ZBED1: variants seen among roughly 807,000 people sequenced by gnomAD.
ZBED1 encodes the protein zinc finger BED-type containing 1, also known as E3 SUMO-protein ligase ZBED1.
Under a neutral mutation model 49.7 loss-of-function variants are expected in ZBED1, and 19 were observed. The observed-to-expected ratio is 0.38, with a 90% CI of 0.27 to 0.56. The LOEUF (loss-of-function observed/expected upper bound fraction) is 0.56. Ranked by LOEUF, ZBED1 falls within the 20% of genes least tolerant of loss-of-function variation. The pLI, the probability that ZBED1 is intolerant of heterozygous loss-of-function variation, is 0.70. For missense variants in ZBED1, 806 were observed against 972.6 expected, an observed-to-expected ratio of 0.83 and a Z score of 2.28; for synonymous variants, 439 against 440.3, an observed-to-expected ratio of 1.00 and a Z score of 0.04.
At chrX:2,490,799 A>T (rs1421809269) in intron 1 of ZBED1, 27 bp from the exon 2 acceptor site, 1 of 1,542,612 alleles carries the variant, frequency 6.5e-7, no homozygotes, top group African/African-American at 1.4e-5. Context: ...CAAACACAGC[A>T]TGAGAAGGGA....
chrX:2,500,012 T>G (rs185308637), intron 1 of ZBED1, among the ~76,000 whole-genome samples: 291 of 152,286 alleles, frequency 1.9e-3, no homozygotes, highest in African/African-American at 6.7e-3. Context: ...ACTTCATCTC[T>G]ACTTCCTATT....
In ZBED1 at chrX:2,489,469, G is replaced by T. The variant is rs914619202; in HGVS notation, c.1251C>A (p.Pro417=). The change falls in exon 2 of 2, where the codon CCC becomes CCA. Residue 417 remains proline, a synonymous_variant. Coordinates refer to ENST00000652001, the MANE Select transcript of ZBED1 (RefSeq NM_001171136.2). ...GCAGCGGCTTCACCATGCTGATGGT[G>T]GGGTACCTGGAGGCCGACAGCATCT... is the stretch of plus-strand genomic sequence containing the variant. ...VAEMLSASRY[P]TISMVKPLLH... 6.2e-7 allele frequency: 1 copy of T among 1,613,742 alleles called. No individual in the cohort carries two copies. Among genetic ancestry groups the T allele is most frequent in the Non-Finnish European group, 8.5e-7 (1 of 1,179,878 alleles).
rs145893938 is a variant in ZBED1, at chrX:2,494,620, G to C, written c.-53-3848C>G. 8.5e-3 allele frequency among the ~76,000 whole-genome samples: 1,297 copies of C among 151,852 alleles called. 39 individuals carry two copies. Among genetic ancestry groups the C allele is most frequent in the East Asian group, 0.084 (434 of 5,160 alleles). ...TCTGGCACTTCAGTCAAAGGTTTATGTTCTATTATTATCATTATTATTATT... is the reference window on the plus strand; with the variant it reads ...TCTGGCACTTCAGTCAAAGGTTTATCTTCTATTATTATCATTATTATTATT... On this transcript the variant is annotated intron_variant, in intron 1 of 1. Coordinates refer to ENST00000652001, the MANE Select transcript of ZBED1 (RefSeq NM_001171136.2).
chrX:2,494,247 G>A (rs962614330), intron 1 of ZBED1, among the ~76,000 whole-genome samples: 1 of 151,772 alleles, frequency 6.6e-6, no homozygotes, highest in African/African-American at 2.4e-5. Context: ...CCTGGTACCT[G>A]TAGCAAAGGC....
Position 2,490,659 on chromosome X carries a change from C to T in ZBED1, c.61G>A (p.Ala21Thr), listed in dbSNP as rs747063221. 1 of 1,613,954 alleles carries T rather than the reference C, an allele frequency of 6.2e-7. No homozygotes were observed. Among genetic ancestry groups the T allele is most frequent in the Non-Finnish European group, 8.5e-7 (1 of 1,179,862 alleles). The change falls in exon 2 of 2, where the codon GCC (alanine) becomes ACC (threonine). Residue 21 changes from alanine to threonine, a missense_variant. Transcript: ENST00000652001. ...AAATACTTCCACACCTTGCTCTTGG[C>T]GCGGGGGTGGGCCACCAGCTTCAGG... is the stretch of plus-strand genomic sequence containing the variant. ...TDLKLVAHPR[A>T]KSKVWKYFGF...
At chrX:2,494,929 T>C (rs748040565) in intron 1 of ZBED1, among the ~76,000 whole-genome samples, 4 of 151,956 alleles carry the variant, frequency 2.6e-5, no homozygotes, top group Admixed American at 2.6e-4. Context: ...CTGAAAGAGC[T>C]CCCAGGACCT....
chrX:2,490,755 C>T lies in ZBED1; in HGVS notation c.-36G>A. 6.3e-7 allele frequency: 1 copy of T among 1,592,388 alleles called. No individual in the cohort carries two copies. Among genetic ancestry groups the T allele is most frequent in the Non-Finnish European group, 8.6e-7 (1 of 1,168,552 alleles). On this transcript the variant is annotated 5_prime_UTR_variant, in exon 2 of 2. Transcript: ENST00000652001. ...CCGGAGCCTGCCTGCTGGACGGCTGCTCATGCGTGGGGACCTGCTGAGAAG... is the reference window on the plus strand; with the variant it reads ...CCGGAGCCTGCCTGCTGGACGGCTGTTCATGCGTGGGGACCTGCTGAGAAG...
At chrX:2,496,826 A>G (rs1049854450) in intron 1 of ZBED1, among the ~76,000 whole-genome samples, 10 of 149,680 alleles carry the variant, frequency 6.7e-5, no homozygotes, top group Non-Finnish European at 1.2e-4. Context: ...TAAATTATAT[A>G]AATATAACTT....
In ZBED1 at chrX:2,490,366, G is replaced by T. The variant is rs138462497; in HGVS notation, c.354C>A (p.Tyr118Ter). ...TCAGCTCCTGCTGCTTCTTGCTGTCGTAGCCGTGGCCGGCCTTGACGGCCA... is the reference window on the plus strand; with the variant it reads ...TCAGCTCCTGCTGCTTCTTGCTGTCTTAGCCGTGGCCGGCCTTGACGGCCA... ...DALAVKAGHG[Y>*]DSKKQQELTA... is the part of the protein sequence containing the mutation. The change falls in exon 2 of 2, where the codon TAC becomes TAA. Residue 118 changes from tyrosine (Y) to a stop codon, truncating the protein, a stop_gained. Coordinates refer to ENST00000652001, the MANE Select transcript of ZBED1 (RefSeq NM_001171136.2). LOFTEE classifies it high-confidence loss of function. 6.2e-7 allele frequency: 1 copy of T among 1,613,532 alleles called. No homozygotes were observed.
rs200054781 is a variant in ZBED1, at chrX:2,490,639, C to T, written c.81G>A (p.Lys27=). The change falls in exon 2 of 2, where the codon AAG becomes AAA. Residue 27 remains lysine (K), a synonymous_variant. Transcript: ENST00000652001. ...AHPRAKSKVW[K]YFGFDTNAEG... Reference sequence around the variant, plus strand: ...CGGCGTTGGTGTCGAAGCCGAAATACTTCCACACCTTGCTCTTGGCGCGGG... The same window carrying T: ...CGGCGTTGGTGTCGAAGCCGAAATATTTCCACACCTTGCTCTTGGCGCGGG... The T allele has an allele frequency of 3.1e-6, 5 of 1,613,978 alleles. No homozygotes were observed. Among genetic ancestry groups the T allele is most frequent in the Admixed American group, 1.7e-5 (1 of 60,014 alleles).
In ZBED1 at chrX:2,490,792, A is replaced by C; in HGVS notation, c.-53-20T>G. The C allele has an allele frequency of 6.4e-7, 1 of 1,552,976 alleles. No homozygotes were observed. The highest frequency in any genetic ancestry group is 1.2e-5 in the South Asian group (1 of 80,534). On this transcript the variant is annotated intron_variant, in intron 1 of 1. Coordinates refer to ENST00000652001, the MANE Select transcript of ZBED1 (RefSeq NM_001171136.2). ...GACCTGCTGAGAAGGGCCAAGACAA[A>C]CACAGCATGAGAAGGGACCCAGGCA... is the stretch of plus-strand genomic sequence containing the variant.
At position 2,496,201 on chromosome X, in the gene ZBED1, T is replaced by G. The variant is rs189195020; in HGVS notation, c.-54+4616A>C. On this transcript the variant is annotated intron_variant, in intron 1 of 1. Coordinates refer to ENST00000652001, the MANE Select transcript of ZBED1 (RefSeq NM_001171136.2). ...TTTTATTTTTGTTTTTGTTTTTTTGTTTTTTTGGTTTTTTTGAGACGGAGT... is the reference window on the plus strand; with the variant it reads ...TTTTATTTTTGTTTTTGTTTTTTTGGTTTTTTGGTTTTTTTGAGACGGAGT... Among the ~76,000 whole-genome samples, 959 of 152,144 alleles carry G rather than the reference T, an allele frequency of 6.3e-3. 10 individuals carry two copies. The highest frequency in any genetic ancestry group is 0.01 in the Non-Finnish European group (690 of 68,004).
intron 1 of ZBED1, among the ~76,000 whole-genome samples, chrX:2,497,186 G>C (rs2045306796): frequency 6.6e-6 from 1 of 152,142 alleles, no homozygotes. Context: ...CCTGAGGTCA[G>C]GAGTTTGAGA....
At chrX:2,495,500 C>T (rs1310200750) in intron 1 of ZBED1, among the ~76,000 whole-genome samples, 2 of 152,122 alleles carry the variant, frequency 1.3e-5, no homozygotes, top group Non-Finnish European at 2.9e-5. Context: ...CCAAGTGACT[C>T]CTGGAAGGAG....
Position 2,489,939 on chromosome X carries a change from T to C in ZBED1, c.781A>G (p.Ser261Gly), listed in dbSNP as rs1191740852. The C allele has an allele frequency of 6.2e-7, 1 of 1,613,904 alleles. No homozygotes were observed. Among genetic ancestry groups the C allele is most frequent in the South Asian group, 1.1e-5 (1 of 91,074 alleles). ...LYEVFIEWGISAKVFGATTNY... is the reference protein window; with the variant it reads ...LYEVFIEWGIGAKVFGATTNY... ...GTGGTGGCCCCGAAGACCTTGGCGCTGATGCCCCACTCGATGAAGACCTCA... is the reference window on the plus strand; with the variant it reads ...GTGGTGGCCCCGAAGACCTTGGCGCCGATGCCCCACTCGATGAAGACCTCA... The change falls in exon 2 of 2, where the codon AGC (serine) becomes GGC (glycine). Residue 261 changes from serine (S) to glycine (G), a missense_variant. This residue lies in a region of ZBED1 where 749 missense variants were observed against 861.3 expected (regional missense o/e 0.87). Transcript: ENST00000652001.
At chrX:2,494,630 TATC>T (rs1018343125) in intron 1 of ZBED1, among the ~76,000 whole-genome samples, 1 of 151,932 alleles carries the variant, frequency 6.6e-6, no homozygotes, top group African/African-American at 2.4e-5. Context: ...GTTCTATTAT[TATC>T]ATTATTATTA....
chrX:2,500,930 G>T lies in ZBED1; in HGVS notation c.-167C>A. ...CGCCGCAGACAATGGCGACATGGCT[G>T]CCCCGGCCGCGCCGCCGCCGCTTCC... On this transcript the variant is annotated 5_prime_UTR_variant, in exon 1 of 2. Transcript: ENST00000652001. 5.6e-6 allele frequency: 6 copies of T among 1,065,808 alleles called. No individual in the cohort carries two copies. Among genetic ancestry groups the T allele is most frequent in the Non-Finnish European group, 6.8e-6 (6 of 883,092 alleles). 66.0% of individuals were successfully genotyped at this position (1,065,808 alleles called of 1,614,324 possible).
intron 1 of ZBED1, among the ~76,000 whole-genome samples, chrX:2,494,126 CTATTATTAT>C (rs769646009): frequency 1.3e-5 from 2 of 151,232 alleles, no homozygotes. Flanking sequence ...CATCCATATT[CTATTATTAT>C]TATTATTATT....
Position 2,488,940 on chromosome X carries a change from G to A in ZBED1, c.1780C>T (p.Arg594Cys), listed in dbSNP as rs765545581. ...GGCAGCAGGGGGAAGAGGGCCAGGC[G>A]GTCTGACCACCACTTGAGGGGGTCT... ...NEDPLKWWSDRLALFPLLPKV... is the reference protein window; with the variant it reads ...NEDPLKWWSDCLALFPLLPKV... Residue 594 changes from arginine to cysteine, a missense_variant, in exon 2 of 2, where the codon CGC becomes TGC. Around this residue, in one of 2 missense-constraint regions of ZBED1, gnomAD observed 749 missense variants for 861.3 expected, o/e 0.87. Coordinates refer to ENST00000652001, the MANE Select transcript of ZBED1 (RefSeq NM_001171136.2). The A allele has an allele frequency of 6.9e-6, 11 of 1,597,796 alleles. No homozygotes were observed. The highest frequency in any genetic ancestry group is 2.7e-5 in the African/African-American group (2 of 74,688).
Sources: allele counts gnomAD v4.1 joint callset (sites outside exome capture counted in the v4.1 genomes callset), GRCh38; gene constraint gnomAD v4.1.1; regional missense constraint gnomAD v4.1.1; transcripts MANE v1.5; gene names NCBI Gene and HGNC (gene_info 2026-07-23, HGNC 2026-07-21).